Variants in PIEZO2 observed in about 807,000 individuals in gnomAD.
PIEZO2 encodes the protein piezo-type mechanosensitive ion channel component 2.
In PIEZO2, 172 loss-of-function variants were observed where a neutral mutation model predicts 337.3. The observed-to-expected ratio is 0.51, with a 90% CI of 0.45 to 0.58. The LOEUF is 0.58. Among genes scored for constraint, PIEZO2 ranks in the 20% least tolerant of loss-of-function variants. PIEZO2 has a pLI of 0.00. For missense variants in PIEZO2, 3,028 were observed against 3,391.3 expected, an observed-to-expected ratio of 0.89 and a Z score of 2.66; for synonymous variants, 1,251 against 1,228.5, an observed-to-expected ratio of 1.02 and a Z score of -0.38.
chr18:10,881,326 AGAGTTG>A, intron 4 of PIEZO2, among the ~76,000 whole-genome samples: 1 of 152,166 alleles, frequency 6.6e-6, no homozygotes, highest in Admixed American at 6.5e-5. Context: ...CCTCACTGTG[AGAGTTG>A]CTAATTTCCA....
chr18:11,040,301 T>A (rs1183431152), intron 2 of PIEZO2, among the ~76,000 whole-genome samples: 1 of 152,204 alleles, frequency 6.6e-6, no homozygotes, highest in Non-Finnish European at 1.5e-5. Context: ...AACCTCAGAA[T>A]TAAATTTTGA....
intron 3 of PIEZO2, among the ~76,000 whole-genome samples, chr18:10,936,729 A>G (rs543956598): frequency 5.3e-5 from 8 of 152,252 alleles, no homozygotes; most frequent in Non-Finnish European, 1.2e-4. Context: ...AGCCCAGTGG[A>G]ATATATCTTT....
intron 2 of PIEZO2, among the ~76,000 whole-genome samples, chr18:11,013,163 T>C (rs1264529809): frequency 6.6e-6 from 1 of 152,204 alleles, no homozygotes; most frequent in African/African-American, 2.4e-5. Context: ...GCAGATGTGA[T>C]TAAGTTCATT....
At position 11,021,246 on chromosome 18, in the gene PIEZO2, G is replaced by A. The variant is rs1374640367; in HGVS notation, c.161-41586C>T. Among the ~76,000 whole-genome samples, 1 of 152,172 alleles carries A rather than the reference G, an allele frequency of 6.6e-6. No homozygotes were observed. The highest frequency in any genetic ancestry group is 1.5e-5 in the Non-Finnish European group (1 of 68,030). On this transcript the variant is annotated intron_variant, in intron 2 of 55. Coordinates refer to ENST00000674853, the MANE Select transcript of PIEZO2 (RefSeq NM_001378183.1). This position sits in a 1 kb window ranked among gnomAD's most constrained non-coding sequence, Gnocchi z 4.7. ...CAACAGTGCTAGTCACAGGTGTCAA[G>A]GAGACAGCTAATCTCCCTGGAAAGA...
rs889107841 is a variant in PIEZO2, at chr18:10,940,433, T to C, written c.287-29205A>G. 1.3e-5 allele frequency among the ~76,000 whole-genome samples: 2 copies of C among 152,214 alleles called. No individual in the cohort carries two copies. Among genetic ancestry groups the C allele is most frequent in the Non-Finnish European group, 2.9e-5 (2 of 68,034 alleles). Reference sequence around the variant, plus strand: ...ATAAGCGAATCTTACCTGCAGAATATCCTAGTGTTTTCCTCCAGTGAACAT... The same window carrying C: ...ATAAGCGAATCTTACCTGCAGAATACCCTAGTGTTTTCCTCCAGTGAACAT... On this transcript the variant is annotated intron_variant, in intron 3 of 55. Transcript: ENST00000674853. The surrounding 1 kb of genome is among the most constrained non-coding windows in gnomAD (Gnocchi z 5.3).
At chr18:11,007,471 C>T (rs376436525) in intron 2 of PIEZO2, among the ~76,000 whole-genome samples, 2 of 152,124 alleles carry the variant, frequency 1.3e-5, no homozygotes, top group African/African-American at 4.8e-5. Flanking sequence ...TCCTCATATG[C>T]CTTTCACTCA....
At chr18:10,768,915 G>A (rs1217589818) in intron 21 of PIEZO2, among the ~76,000 whole-genome samples, 6 of 152,048 alleles carry the variant, frequency 3.9e-5, no homozygotes, top group Admixed American at 2.6e-4. Context: ...CTCTGCGTCC[G>A]ACTCCCATGA....
Position 10,817,722 on chromosome 18 carries a change from G to C in PIEZO2, c.918-10448C>G, listed in dbSNP as rs562198242. On this transcript the variant is annotated intron_variant, in intron 7 of 55. Transcript: ENST00000674853. The stretch of plus-strand genomic sequence containing the variant: ...GTGGTTCACGAGGTCAGGAGATAGA[G>C]ACCATCCTGGCTAACACAGTGAAAC... Among the ~76,000 whole-genome samples, 75 of 152,142 alleles carry C rather than the reference G, an allele frequency of 4.9e-4. 1 individual carries two copies. In the South Asian group the frequency reaches 0.015, roughly 30 times the overall value.
chr18:10,891,339 G>A (rs914955758), intron 4 of PIEZO2, among the ~76,000 whole-genome samples: 2 of 152,082 alleles, frequency 1.3e-5, no homozygotes, highest in African/African-American at 4.8e-5. Context: ...ATAAAAGAAA[G>A]TGCATTGCTT....
chr18:10,773,225 A>G lies in PIEZO2; in HGVS notation c.2785+187T>C, dbSNP rs1345873898. Among the ~76,000 whole-genome samples, 1 of 152,248 alleles carries G rather than the reference A, an allele frequency of 6.6e-6. No individual in the cohort carries two copies. Among genetic ancestry groups the G allele is most frequent in the Non-Finnish European group, 1.5e-5 (1 of 68,034 alleles). On this transcript the variant is annotated intron_variant, in intron 20 of 55. Coordinates refer to ENST00000674853, the MANE Select transcript of PIEZO2 (RefSeq NM_001378183.1). The surrounding 1 kb of genome is among the most constrained non-coding windows in gnomAD (Gnocchi z 5.3). ...GTCGTCTGGTCTCTACTCAGTCAGA[A>G]TTAAAAAGAAATTGTTGGAGCAATT...
At position 11,117,693 on chromosome 18, in the gene PIEZO2, C is replaced by T. The variant is rs376480341; in HGVS notation, c.64+30832G>A. On this transcript the variant is annotated intron_variant, in intron 1 of 55. Transcript: ENST00000674853. ...TGGATGTTTGTATATGGGATCAAAA[C>T]GTGGCCTCTATTTGAAAGATCCAGC... Among the ~76,000 whole-genome samples, 59 of 152,246 alleles carry T rather than the reference C, an allele frequency of 3.9e-4. 1 individual carries two copies. In the South Asian group the frequency reaches 8.3e-3, roughly 21 times the overall value.
intron 2 of PIEZO2, among the ~76,000 whole-genome samples, chr18:11,026,023 C>A (rs1303745430): frequency 6.6e-6 from 1 of 152,158 alleles, no homozygotes; most frequent in African/African-American, 2.4e-5. Flanking sequence ...CTGCTCAGCA[C>A]CATCACAAGT....
intron 4 of PIEZO2, among the ~76,000 whole-genome samples, chr18:10,880,441 A>C (rs189435216): frequency 6.6e-6 from 1 of 152,312 alleles, no homozygotes; most frequent in Admixed American, 6.5e-5. Flanking sequence ...TAAGGCAGCA[A>C]TGAAATTTAG....
intron 8 of PIEZO2, among the ~76,000 whole-genome samples, chr18:10,805,713 T>G (rs117398761): frequency 0.056 from 8,594 of 152,300 alleles, 292 homozygotes; most frequent in Non-Finnish European, 0.066. Flanking sequence ...AATCATTTTG[T>G]TACTATACAA....
At position 11,148,817 on chromosome 18, in the gene PIEZO2, C is replaced by T. The variant is rs954078802; in HGVS notation, c.-229G>A. ...GGGTAGCCCCTCACCAGGCTCTTGG[C>T]GGCCACCTAGCCCGGCGCCCGGCCC... On this transcript the variant is annotated 5_prime_UTR_variant, in exon 1 of 56. Transcript: ENST00000674853. The surrounding 1 kb of genome is among the most constrained non-coding windows in gnomAD (Gnocchi z 5.2). 65 of 454,258 alleles carry T rather than the reference C, an allele frequency of 1.4e-4. No homozygotes were observed. Among genetic ancestry groups the T allele is most frequent in the African/African-American group, 1.3e-3 (64 of 48,188 alleles). 28.1% of individuals were successfully genotyped at this position (454,258 alleles called of 1,614,324 possible).
rs1378923779 is a variant in PIEZO2, at chr18:11,129,561, T to G, written c.64+18964A>C. 1.3e-5 allele frequency among the ~76,000 whole-genome samples: 2 copies of G among 152,118 alleles called. No individual in the cohort carries two copies. The highest frequency in any genetic ancestry group is 4.8e-5 in the African/African-American group (2 of 41,434). Reference sequence around the variant, plus strand: ...AACAGAATCACAGCCCCTCAATCAATTTCCAGACTTGAGCCAGTTTATGCA... The same window carrying G: ...AACAGAATCACAGCCCCTCAATCAAGTTCCAGACTTGAGCCAGTTTATGCA... On this transcript the variant is annotated intron_variant, in intron 1 of 55. Transcript: ENST00000674853. The surrounding 1 kb of genome is among the most constrained non-coding windows in gnomAD (Gnocchi z 4.6).
In PIEZO2 at chr18:10,920,365, A is replaced by G. The variant is rs138320172; in HGVS notation, c.287-9137T>C. On this transcript the variant is annotated intron_variant, in intron 3 of 55. Coordinates refer to ENST00000674853, the MANE Select transcript of PIEZO2 (RefSeq NM_001378183.1). ...TAGGAGATACGGCACTCGTCAGCAAAAAGTTATCGGAACAGTTAGGGACTG... is the reference window on the plus strand; with the variant it reads ...TAGGAGATACGGCACTCGTCAGCAAGAAGTTATCGGAACAGTTAGGGACTG... Among the ~76,000 whole-genome samples, 142 of 152,276 alleles carry G rather than the reference A, an allele frequency of 9.3e-4. 1 individual carries two copies. Among genetic ancestry groups the G allele is most frequent in the African/African-American group, 3.2e-3 (131 of 41,564 alleles).
rs2041036298 is a variant in PIEZO2, at chr18:10,837,002, G to T, written c.917+18351C>A. Among the ~76,000 whole-genome samples the T allele has an allele frequency of 6.6e-6, 1 of 152,158 alleles. No homozygotes were observed. The highest frequency in any genetic ancestry group is 2.1e-4 in the South Asian group (1 of 4,832). ...GGCCACTGAGGATACTCACAACTGT[G>T]GTTTGGTTTCAGCAAAACACACATT... On this transcript the variant is annotated intron_variant, in intron 7 of 55. Coordinates refer to ENST00000674853, the MANE Select transcript of PIEZO2 (RefSeq NM_001378183.1). The surrounding 1 kb of genome is among the most constrained non-coding windows in gnomAD (Gnocchi z 4.4).
intron 1 of PIEZO2, among the ~76,000 whole-genome samples, chr18:11,113,829 G>A (rs1371850324): frequency 6.6e-6 from 1 of 152,208 alleles, no homozygotes; most frequent in Non-Finnish European, 1.5e-5. Flanking sequence ...CAGAAGTGGA[G>A]GATGTCCACC....
Sources: gnomAD v4.1 joint callset for allele counts (sites outside exome capture counted in the v4.1 genomes callset) on GRCh38, gnomAD v4.1.1 for gene constraint, Gnocchi (gnomAD v3.1) non-coding constraint, MANE v1.5 for transcripts, NCBI Gene and HGNC (gene_info 2026-07-23, HGNC 2026-07-21) for gene names.